The following P4HTM variants were observed in gnomAD, a reference collection of about 807,000 sequenced individuals.
P4HTM encodes the protein prolyl 4-hydroxylase, transmembrane, also known as transmembrane prolyl 4-hydroxylase.
Under a neutral mutation model 55.3 loss-of-function variants are expected in P4HTM, and 33 were observed. That is an observed-to-expected ratio of 0.60 (90% CI 0.45 to 0.80). The LOEUF is 0.80. P4HTM is among the 30% of genes least tolerant of loss of function. P4HTM has a pLI of 0.00. For synonymous variants in P4HTM, 272 were observed against 286.4 expected (o/e 0.95, Z 0.51); for missense variants, 542 against 696.5 (o/e 0.78, Z 2.50).
In P4HTM at chr3:49,004,222, T is replaced by G. The variant is rs2092969931; in HGVS notation, c.849T>G (p.Gly283=). 6.5e-7 allele frequency: 1 copy of G among 1,548,882 alleles called. No homozygotes were observed. Among genetic ancestry groups the G allele is most frequent in the Admixed American group, 2.0e-5 (1 of 50,960 alleles). ...RNSHHTWLYQ[G]EGAHHIMRAI... is the part of the protein sequence containing the mutation. ...GCCACCATACCTGGCTCTACCAGGG[T>G]GAGGGTGCCCACCACATCATGCGTG... The change falls in exon 5 of 9, where the codon GGT becomes GGG. Residue 283 remains glycine, a synonymous_variant. Coordinates refer to ENST00000383729, the MANE Select transcript of P4HTM (RefSeq NM_177939.3).
intron 4 of P4HTM, 178 bp from the exon 5 acceptor site, chr3:49,003,920 G>A: frequency 1.7e-6 from 1 of 602,024 alleles, no homozygotes; most frequent in South Asian, 2.1e-5. Context: ...AAGGCCTGAT[G>A]TGACAGAAAC....
chr3:49,006,627 C>A, intron 8 of P4HTM, 60 bp from the exon 9 acceptor site: 3 of 1,433,424 alleles, frequency 2.1e-6, no homozygotes, highest in African/African-American at 1.4e-5. Flanking sequence ...GCTCTTGGTG[C>A]CTATGAGGCC....
Position 48,997,321 on chromosome 3 carries a change from T to A in P4HTM, c.437-4117T>A, listed in dbSNP as rs2092948901. 2.6e-5 allele frequency: 4 copies of A among 152,268 alleles called. No individual in the cohort carries two copies. In the South Asian group the frequency reaches 8.3e-4, roughly 31 times the overall value. The allele number at this position is 152,268 out of a possible 1,614,324, so 9.4% of individuals were successfully genotyped here. On this transcript the variant is annotated intron_variant, in intron 2 of 8. Transcript: ENST00000383729. ...CGTGGTTACCAACAGCCAGCAGGCC[T>A]CCATCTTCCCACTCAACACATAGGT...
chr3:48,997,580 T>C (rs1374234276), intron 2 of P4HTM: 1 of 151,942 alleles, frequency 6.6e-6, no homozygotes, highest in African/African-American at 2.4e-5. Flanking sequence ...CCTCTAGGAG[T>C]CCTCCCTAAA....
At position 49,006,177 on chromosome 3, in the gene P4HTM, T is replaced by C. The variant is rs771384004; in HGVS notation, c.1278T>C (p.Pro426=). ...GTAVFWYNYL[P]DGQGWVGDVD... is the part of the protein sequence containing the mutation. ...CAGTCTTCTGGTACAACTACCTGCC[T>C]GATGGGCAAGGTGAGGGCCTATGGC... Residue 426 remains proline, a synonymous_variant, in exon 8 of 9, where the codon CCT becomes CCC. Coordinates refer to ENST00000383729, the MANE Select transcript of P4HTM (RefSeq NM_177939.3). 6.2e-7 allele frequency: 1 copy of C among 1,612,238 alleles called. No individual in the cohort carries two copies. Among genetic ancestry groups the C allele is most frequent in the African/African-American group, 1.3e-5 (1 of 75,046 alleles).
At position 49,006,206 on chromosome 3, in the gene P4HTM, G is replaced by A; in HGVS notation, c.1288+19G>A. ...GGGCAAGGTGAGGGCCTATGGCCAG[G>A]CCTGGGGGGGGTGCCCTGAGTACAG... On this transcript the variant is annotated intron_variant, in intron 8 of 8. Coordinates refer to ENST00000383729, the MANE Select transcript of P4HTM (RefSeq NM_177939.3). 6.2e-7 allele frequency: 1 copy of A among 1,602,990 alleles called. No homozygotes were observed. The highest frequency in any genetic ancestry group is 8.5e-7 in the Non-Finnish European group (1 of 1,172,306).
In P4HTM at chr3:49,004,088, C is replaced by A; in HGVS notation, c.725-10C>A. ...GCTTGGTGGGCATTGATGGTGGGTG[C>A]CCTGTGCAGGAGTGCTGAGTCTGCA... On this transcript the variant is annotated splice_polypyrimidine_tract_variant and intron_variant, in intron 4 of 8. Coordinates refer to ENST00000383729, the MANE Select transcript of P4HTM (RefSeq NM_177939.3). The A allele has an allele frequency of 6.4e-7, 1 of 1,552,772 alleles. No homozygotes were observed. The highest frequency in any genetic ancestry group is 8.7e-7 in the Non-Finnish European group (1 of 1,148,566).
At chr3:49,001,765 C>G in intron 3 of P4HTM, 137 bp downstream of exon 3, 4 of 713,464 alleles carry the variant, frequency 5.6e-6, no homozygotes, top group Non-Finnish European at 6.9e-6. Context: ...ATGCCCAGAC[C>G]CAGGAGGTCC....
chr3:49,000,203 G>A (rs2092957252), intron 2 of P4HTM, among the ~76,000 whole-genome samples: 1 of 152,194 alleles, frequency 6.6e-6, no homozygotes, highest in Non-Finnish European at 1.5e-5. Context: ...GCTTAGGACA[G>A]TGCCTTGGGC....
chr3:48,992,537 C>T (rs2092933650), intron 2 of P4HTM, among the ~76,000 whole-genome samples: 2 of 150,040 alleles, frequency 1.3e-5, no homozygotes, highest in South Asian at 4.2e-4. Context: ...ACCCAGGAGG[C>T]AGAGGTTGCA....
In P4HTM at chr3:49,005,057, C is replaced by T. The variant is rs1254282793; in HGVS notation, c.1073+11C>T. Reference sequence around the variant, plus strand: ...CGAGACCTCCTGCCGGCAAGTATCTCCCAACTGGGGGCTGCCTTCAATCCT... The same window carrying T: ...CGAGACCTCCTGCCGGCAAGTATCTTCCAACTGGGGGCTGCCTTCAATCCT... On this transcript the variant is annotated intron_variant, in intron 6 of 8. Coordinates refer to ENST00000383729, the MANE Select transcript of P4HTM (RefSeq NM_177939.3). 2 of 1,614,022 alleles carry T rather than the reference C, an allele frequency of 1.2e-6. No homozygotes were observed. Among genetic ancestry groups the T allele is most frequent in the South Asian group, 1.1e-5 (1 of 91,090 alleles).
chr3:49,005,766 C>A lies in P4HTM; in HGVS notation c.1074-11C>A. 6.3e-7 allele frequency: 1 copy of A among 1,596,366 alleles called. No homozygotes were observed. Among genetic ancestry groups the A allele is most frequent in the South Asian group, 1.1e-5 (1 of 88,168 alleles). On this transcript the variant is annotated splice_polypyrimidine_tract_variant and intron_variant, in intron 6 of 8. Transcript: ENST00000383729. ...ACTGGGGACCTGCTCAGTGCCCCCC[C>A]TGCCTTACAGCTACATGACAGTGCT...
At chr3:48,994,355 G>A (rs2092939361) in intron 2 of P4HTM, among the ~76,000 whole-genome samples, 1 of 152,204 alleles carries the variant, frequency 6.6e-6, no homozygotes, top group Non-Finnish European at 1.5e-5. Context: ...CTAAAGATGT[G>A]AGCTGGGGCA....
At chr3:49,005,581 G>A (rs2092975505) in intron 6 of P4HTM, 196 bp from the exon 7 acceptor site, 3 of 1,397,732 alleles carry the variant, frequency 2.1e-6, no homozygotes, top group South Asian at 3.9e-5. Context: ...AAAAACCATT[G>A]CAACTCACAG....
intron 2 of P4HTM, chr3:48,997,404 G>A (rs1344920553): frequency 6.6e-6 from 1 of 152,334 alleles, no homozygotes; most frequent in Non-Finnish European, 1.5e-5. Context: ...GCTGCAGCCA[G>A]CGTTGCAGGG....
chr3:48,992,663 T>C (rs913882206), intron 2 of P4HTM, among the ~76,000 whole-genome samples: 1 of 4,900 alleles, frequency 2.0e-4, no homozygotes, highest in African/African-American at 6.6e-3. Flanking sequence ...ATTAGAACTC[T>C]TTTTTTTTTT....
At chr3:48,992,798 T>C (rs942684621) in intron 2 of P4HTM, among the ~76,000 whole-genome samples, 10 of 150,250 alleles carry the variant, frequency 6.7e-5, no homozygotes, top group Non-Finnish European at 1.2e-4. Flanking sequence ...CCCAAGTAGC[T>C]GGGATTACAG....
rs2092929715 is a variant in P4HTM, at chr3:48,990,993, A to T, written c.436+79A>T. 1 of 1,086,288 alleles carries T rather than the reference A, an allele frequency of 9.2e-7. No individual in the cohort carries two copies. The highest frequency in any genetic ancestry group is 1.6e-5 in the African/African-American group (1 of 63,784). 67.3% of individuals were successfully genotyped at this position (1,086,288 alleles called of 1,614,324 possible). ...CCTTGAGGCTCGTTGTGACCACGTG[A>T]CCTCTATTTTGAAAATGGCTGCTTC... On this transcript the variant is annotated intron_variant, in intron 2 of 8. Coordinates refer to ENST00000383729, the MANE Select transcript of P4HTM (RefSeq NM_177939.3). The surrounding 1 kb of genome is among the most constrained non-coding windows in gnomAD (Gnocchi z 7.2).
At position 49,002,583 on chromosome 3, in the gene P4HTM, C is replaced by T. The variant is rs1430366890; in HGVS notation, c.711C>T (p.Asp237=). The T allele has an allele frequency of 1.2e-6, 2 of 1,612,424 alleles. No homozygotes were observed. Among genetic ancestry groups the T allele is most frequent in the Admixed American group, 1.7e-5 (1 of 60,020 alleles). ...IQEMYAAIKA[D]PDGDGVLSLQ... ...AGATGTACGCCGCGATCAAGGCTGACCCTGATGGTGACGGTGAGCTCACAC... is the reference window on the plus strand; with the variant it reads ...AGATGTACGCCGCGATCAAGGCTGATCCTGATGGTGACGGTGAGCTCACAC... The change falls in exon 4 of 9, where the codon GAC becomes GAT. Residue 237 remains aspartate (D), a synonymous_variant. Coordinates refer to ENST00000383729, the MANE Select transcript of P4HTM (RefSeq NM_177939.3). This position sits in a 1 kb window ranked among gnomAD's most constrained non-coding sequence, Gnocchi z 4.4.
Sources: gnomAD v4.1 joint callset for allele counts (sites outside exome capture counted in the v4.1 genomes callset) on GRCh38, gnomAD v4.1.1 for gene constraint, Gnocchi (gnomAD v3.1) non-coding constraint, MANE v1.5 for transcripts, NCBI Gene and HGNC (gene_info 2026-07-23, HGNC 2026-07-21) for gene names.